SCUBE1: variants seen among roughly 807,000 people sequenced by gnomAD.
The protein encoded by SCUBE1 is signal peptide, CUB domain and EGF like domain containing 1, also known as signal peptide, CUB and EGF-like domain-containing protein 1.
Under a neutral mutation model 124.4 loss-of-function variants are expected in SCUBE1, and 59 were observed. The ratio of observed to expected loss-of-function variants is 0.47; its 90% CI spans 0.38 to 0.59. The LOEUF is 0.59. SCUBE1 is among the 20% of genes least tolerant of loss of function. The pLI is 0.00. For missense variants in SCUBE1, 1,150 were observed against 1,371.2 expected (o/e 0.84, Z 2.55); for synonymous variants, 545 against 550.9 (o/e 0.99, Z 0.15).
chr22:43,334,232 A>G (rs916691963), intron 2 of SCUBE1, among the ~76,000 whole-genome samples: 4 of 152,234 alleles, frequency 2.6e-5, no homozygotes, highest in African/African-American at 9.6e-5. Context: ...CATATTTGCC[A>G]TCCCCGAAGT....
At chr22:43,284,670 G>A (rs918523403) in intron 4 of SCUBE1, among the ~76,000 whole-genome samples, 2 of 152,228 alleles carry the variant, frequency 1.3e-5, no homozygotes, top group African/African-American at 2.4e-5. Flanking sequence ...CTGTAAGGAC[G>A]CAATGAATGG....
At chr22:43,307,378 G>A (rs182458186) in intron 3 of SCUBE1, among the ~76,000 whole-genome samples, 3 of 152,246 alleles carry the variant, frequency 2.0e-5, no homozygotes, top group Non-Finnish European at 2.9e-5. Context: ...GGACACCCTG[G>A]AGGAGGAAAG....
Position 43,281,434 on chromosome 22 carries a change from C to CTCT in SCUBE1, c.484+9611_484+9612insAGA, listed in dbSNP as rs546623684. Among the ~76,000 whole-genome samples the CTCT allele has an allele frequency of 1.2e-4, 11 of 89,560 alleles. No individual in the cohort carries two copies. The East Asian group carries it at 4.8e-3, about 39-fold the overall frequency. 58.8% of individuals were successfully genotyped at this position (89,560 alleles called of 152,430 possible). A position where few individuals can be genotyped will look rare whatever the true frequency, so the allele number is the denominator to read the frequency against. ...CCTCAGCCATCCTCCTGTCACCTCC[C>CTCT]TTGGCCACCCTCCTGTCATCTCCCT... On this transcript the variant is annotated intron_variant, in intron 4 of 21. Coordinates refer to ENST00000360835, the MANE Select transcript of SCUBE1 (RefSeq NM_173050.5).
chr22:43,252,042 C>T (rs772713780), intron 6 of SCUBE1, among the ~76,000 whole-genome samples: 11 of 152,192 alleles, frequency 7.2e-5, no homozygotes, highest in Non-Finnish European at 1.5e-4. Flanking sequence ...CCTGCAAATC[C>T]GACAATTTTA....
chr22:43,279,485 A>G (rs1290420126), intron 4 of SCUBE1, among the ~76,000 whole-genome samples: 1 of 152,148 alleles, frequency 6.6e-6, no homozygotes, highest in Non-Finnish European at 1.5e-5. Context: ...TGATGTTGAA[A>G]CTGAACCCCT....
chr22:43,270,238 A>G (rs1924240599), intron 4 of SCUBE1: 1 of 152,248 alleles, frequency 6.6e-6, no homozygotes. Context: ...TTCCATCTTT[A>G]GACTTGGGTC....
chr22:43,216,788 T>C (rs6003108), intron 15 of SCUBE1, among the ~76,000 whole-genome samples: 39,382 of 148,086 alleles, frequency 0.27, 7,048 homozygotes, highest in East Asian at 0.51. Flanking sequence ...GCCCTTCCCC[T>C]GCCAGGTGTC....
chr22:43,328,917 T>A (rs1926814247), intron 2 of SCUBE1, among the ~76,000 whole-genome samples: 1 of 152,200 alleles, frequency 6.6e-6, no homozygotes, highest in South Asian at 2.1e-4. Context: ...AGAAAACTTG[T>A]CTTTCCCAAG....
intron 3 of SCUBE1, among the ~76,000 whole-genome samples, chr22:43,293,559 C>T (rs901831140): frequency 1.3e-5 from 2 of 152,262 alleles, no homozygotes; most frequent in Non-Finnish European, 2.9e-5. Context: ...CCAGATGCAG[C>T]TTGCCGTGAG....
At chr22:43,231,683 T>C in intron 8 of SCUBE1, 70 bp downstream of exon 8, 2 of 1,514,180 alleles carry the variant, frequency 1.3e-6, no homozygotes, top group Non-Finnish European at 1.8e-6. Flanking sequence ...GGAGCCCGTG[T>C]CAGCCCAGGA....
chr22:43,281,439 C>CCACCCTCCTGTCACCTCCTCCTCAGT (rs1924851031), intron 4 of SCUBE1, among the ~76,000 whole-genome samples: 3 of 63,528 alleles, frequency 4.7e-5, no homozygotes, highest in Admixed American at 4.2e-4. Flanking sequence ...CCTCCCTTGG[C>CCACCCTCCTGTCACCTCCTCCTCAGT]CACCCTCCTG....
At chr22:43,245,540 G>C (rs2146692930) in intron 6 of SCUBE1, among the ~76,000 whole-genome samples, 1 of 152,278 alleles carries the variant, frequency 6.6e-6, no homozygotes, top group Admixed American at 6.5e-5. Flanking sequence ...GGAGAACACG[G>C]GACAGGACAC....
chr22:43,241,436 A>C (rs1454617871), intron 6 of SCUBE1, among the ~76,000 whole-genome samples: 1 of 151,946 alleles, frequency 6.6e-6, no homozygotes, highest in Non-Finnish European at 1.5e-5. Context: ...GTGCAGCCTC[A>C]ATGGCAGAGC....
At chr22:43,273,138 C>A (rs759489508) in intron 4 of SCUBE1, among the ~76,000 whole-genome samples, 1 of 152,352 alleles carries the variant, frequency 6.6e-6, no homozygotes, top group African/African-American at 2.4e-5. Flanking sequence ...CAACCCCACA[C>A]GCTCATTCTC....
intron 2 of SCUBE1, among the ~76,000 whole-genome samples, chr22:43,332,884 C>T (rs993359318): frequency 1.3e-5 from 2 of 152,122 alleles, no homozygotes; most frequent in African/African-American, 2.4e-5. Flanking sequence ...AGGATGTTCA[C>T]AGCTGATAAC....
At chr22:43,295,101 C>T (rs921483554) in intron 3 of SCUBE1, among the ~76,000 whole-genome samples, 21 of 152,300 alleles carry the variant, frequency 1.4e-4, no homozygotes, top group African/African-American at 4.6e-4. Context: ...TCTCCTCCCG[C>T]AGGATTCAGC....
intron 10 of SCUBE1, 80 bp downstream of exon 10, chr22:43,227,294 C>A: frequency 2.0e-6 from 3 of 1,498,074 alleles, no homozygotes; most frequent in South Asian, 2.4e-5. Context: ...CCTGCTCACC[C>A]CCACCTCAGA....
At chr22:43,308,665 C>T (rs1016822457) in intron 3 of SCUBE1, among the ~76,000 whole-genome samples, 11 of 152,212 alleles carry the variant, frequency 7.2e-5, no homozygotes, top group Admixed American at 2.6e-4. Context: ...AGCTGGAGCG[C>T]GGCGCCTGCA....
intron 4 of SCUBE1, among the ~76,000 whole-genome samples, chr22:43,273,561 CTTTTTTTTTT>C (rs1056252584): frequency 1.6e-5 from 1 of 60,950 alleles, no homozygotes; most frequent in Non-Finnish European, 2.9e-5. Flanking sequence ...CTAAAACCCT[CTTTTTTTTTT>C]TTTTTTTTTT....
Sources: gnomAD v4.1 joint callset for allele counts (sites outside exome capture counted in the v4.1 genomes callset) on GRCh38, gnomAD v4.1.1 for gene constraint, MANE v1.5 for transcripts, NCBI Gene and HGNC (gene_info 2026-07-23, HGNC 2026-07-21) for gene names.